The following MAMDC2 variants were observed in gnomAD, a reference collection of about 807,000 sequenced individuals.
The protein encoded by MAMDC2 is MAM domain-containing protein 2.
MAMDC2 carries 57 observed loss-of-function variants against 89.8 expected under a neutral mutation model. That is an observed-to-expected ratio of 0.63 (90% confidence interval 0.51 to 0.79). The LOEUF is 0.79. Among genes scored for constraint, MAMDC2 ranks in the 30% least tolerant of loss-of-function variants. The pLI, the probability that MAMDC2 is intolerant of heterozygous loss-of-function variation, is 0.00. For synonymous variants in MAMDC2, 313 were observed against 293.4 expected, an observed-to-expected ratio of 1.07 and a Z score of -0.68; for missense variants, 800 against 820.6, an observed-to-expected ratio of 0.97 and a Z score of 0.31.
At chr9:70,125,635 C>T (rs573548374) in intron 5 of MAMDC2, among the ~76,000 whole-genome samples, 97 of 152,308 alleles carry the variant, frequency 6.4e-4, no homozygotes, top group African/African-American at 2.2e-3. Context: ...AGTTGGAATT[C>T]AAAATCTTAG....
chr9:70,147,346 G>A (rs1384847994), intron 9 of MAMDC2, among the ~76,000 whole-genome samples: 2 of 149,872 alleles, frequency 1.3e-5, no homozygotes, highest in African/African-American at 2.5e-5. Flanking sequence ...TTCACTGATG[G>A]CTTCCTCTAT....
In MAMDC2 at chr9:70,168,483, C is replaced by T; in HGVS notation, c.1405-219C>T. On this transcript the variant is annotated intron_variant, in intron 9 of 13. Coordinates refer to ENST00000377182, the MANE Select transcript of MAMDC2 (RefSeq NM_153267.5). ...CTCCAGCCTTGGCGACAGAGCGAGA[C>T]TCCATCTCAAAAATTAACAATAATA... 1.1e-5 allele frequency: 5 copies of T among 454,304 alleles called. No individual in the cohort carries two copies. In the South Asian group the frequency reaches 1.2e-4, roughly 11 times the overall value. 28.1% of individuals were successfully genotyped at this position (454,304 alleles called of 1,614,324 possible). A position where few individuals can be genotyped will look rare whatever the true frequency, so the allele number is the denominator to read the frequency against.
intron 11 of MAMDC2, among the ~76,000 whole-genome samples, chr9:70,171,328 A>G (rs952704429): frequency 5.0e-5 from 5 of 100,704 alleles, no homozygotes; most frequent in Admixed American, 1.2e-4. Flanking sequence ...GTGAGACTCT[A>G]TCTTGACAAT....
chr9:70,179,621 G>GA (rs547265087), intron 11 of MAMDC2, among the ~76,000 whole-genome samples: 4,674 of 116,050 alleles, frequency 0.04, 96 homozygotes, highest in African/African-American at 0.075. Context: ...TTCTACAAAT[G>GA]AAAAAAAAAA....
intron 2 of MAMDC2, among the ~76,000 whole-genome samples, chr9:70,072,243 G>C (rs1827425586): frequency 6.6e-6 from 1 of 152,126 alleles, no homozygotes; most frequent in South Asian, 2.1e-4. Context: ...CTGACCATCA[G>C]TGTCACCTCA....
At chr9:70,049,347 G>A (rs890157202) in intron 2 of MAMDC2, among the ~76,000 whole-genome samples, 31 of 151,838 alleles carry the variant, frequency 2.0e-4, no homozygotes, top group South Asian at 8.3e-4. Flanking sequence ...GGCCATCTGC[G>A]TTTCAGTTCT....
At chr9:70,205,179 G>T (rs2033197908) in intron 11 of MAMDC2, among the ~76,000 whole-genome samples, 1 of 152,184 alleles carries the variant, frequency 6.6e-6, no homozygotes, top group South Asian at 2.1e-4. Context: ...GTGGTAAAAT[G>T]CACATAACAT....
chr9:70,060,347 G>A (rs1321205520), intron 2 of MAMDC2, among the ~76,000 whole-genome samples: 1 of 152,168 alleles, frequency 6.6e-6, no homozygotes, highest in African/African-American at 2.4e-5. Context: ...CACCTTGTCA[G>A]GCTTTTTTAA....
intron 11 of MAMDC2, chr9:70,194,302 G>C (rs562150957): frequency 6.6e-6 from 1 of 152,214 alleles, no homozygotes; most frequent in African/African-American, 2.4e-5. Context: ...AATTTCAGGT[G>C]TTGAAACTTA....
chr9:70,163,907 T>C (rs111972999), intron 9 of MAMDC2, among the ~76,000 whole-genome samples: 1 of 129,654 alleles, frequency 7.7e-6, no homozygotes, highest in African/African-American at 3.0e-5. Context: ...TGAGCCAAGA[T>C]CACACCACTG....
At chr9:70,206,731 T>C (rs1255346360) in intron 11 of MAMDC2, among the ~76,000 whole-genome samples, 2 of 152,126 alleles carry the variant, frequency 1.3e-5, no homozygotes, top group Non-Finnish European at 2.9e-5. Flanking sequence ...CTGCACCCAT[T>C]AACTCGTCAT....
At chr9:70,085,047 A>C (rs964876313) in intron 2 of MAMDC2, among the ~76,000 whole-genome samples, 1 of 152,132 alleles carries the variant, frequency 6.6e-6, no homozygotes, top group African/African-American at 2.4e-5. Context: ...ATAAGTACCC[A>C]AAATAGACAA....
chr9:70,190,650 C>G (rs559292550), intron 11 of MAMDC2, among the ~76,000 whole-genome samples: 49 of 152,002 alleles, frequency 3.2e-4, no homozygotes, highest in African/African-American at 1.0e-3. Flanking sequence ...TGTAAAGCTC[C>G]CTACAGATAT....
chr9:70,211,413 C>T (rs1413443810), intron 11 of MAMDC2, among the ~76,000 whole-genome samples: 1 of 152,152 alleles, frequency 6.6e-6, no homozygotes, highest in African/African-American at 2.4e-5. Flanking sequence ...TCCATTTCAT[C>T]GAATCAGCTA....
rs112824139 is a variant in MAMDC2 at position 70,063,716 on chromosome 9, C to T, written c.148+19019C>T. 2.0e-3 allele frequency among the ~76,000 whole-genome samples: 306 copies of T among 152,228 alleles called. 3 individuals carry two copies. Among genetic ancestry groups the T allele is most frequent in the African/African-American group, 7.1e-3 (293 of 41,530 alleles). On this transcript the variant is annotated intron_variant, in intron 2 of 13. Coordinates refer to ENST00000377182, the MANE Select transcript of MAMDC2 (RefSeq NM_153267.5). ...GTTATCACTGGAACCTACTTTGTGCCATACACTTGCTAGGCACTTTATTCT... is the reference window on the plus strand; with the variant it reads ...GTTATCACTGGAACCTACTTTGTGCTATACACTTGCTAGGCACTTTATTCT...
intron 6 of MAMDC2, among the ~76,000 whole-genome samples, chr9:70,130,620 T>C (rs1386500429): frequency 6.6e-6 from 1 of 152,168 alleles, no homozygotes; most frequent in East Asian, 1.9e-4. Context: ...TGGCCCATGT[T>C]CTTTCTAACC....
chr9:70,202,350 G>T (rs1470388139), intron 11 of MAMDC2, among the ~76,000 whole-genome samples: 1 of 152,156 alleles, frequency 6.6e-6, no homozygotes, highest in East Asian at 1.9e-4. Context: ...CAGTTTCCAT[G>T]TAGTTGAGCG....
At chr9:70,056,091 G>A (rs1194483851) in intron 2 of MAMDC2, among the ~76,000 whole-genome samples, 1 of 152,182 alleles carries the variant, frequency 6.6e-6, no homozygotes, top group Non-Finnish European at 1.5e-5. Context: ...AGTGTTATTT[G>A]GGGCTATGCT....
chr9:70,066,813 G>C (rs550752057), intron 2 of MAMDC2, among the ~76,000 whole-genome samples: 1 of 152,104 alleles, frequency 6.6e-6, no homozygotes, highest in Non-Finnish European at 1.5e-5. Context: ...AGTGGGAAGT[G>C]GTCTTATTAA....
Sources: allele counts gnomAD v4.1 joint callset (sites outside exome capture counted in the v4.1 genomes callset), GRCh38; gene constraint gnomAD v4.1.1; transcripts MANE v1.5; gene names NCBI Gene and HGNC (gene_info 2026-07-23, HGNC 2026-07-21).